The following AFF2 variants were observed in gnomAD, a reference collection of about 807,000 sequenced individuals.
The protein encoded by AFF2 is ALF transcription elongation factor 2.
AFF2 carries 14 observed loss-of-function variants against 76.9 expected under a neutral mutation model. The ratio of observed to expected loss-of-function variants is 0.18; its 90% confidence interval spans 0.12 to 0.28. The LOEUF (loss-of-function observed/expected upper bound fraction) is 0.28, where lower values mean the gene tolerates loss of function less well. AFF2 is among the 10% of genes least tolerant of loss of function. The pLI is 1.00. For missense variants in AFF2, 868 were observed against 1,001.1 expected (o/e 0.87, Z 1.79); for synonymous variants, 398 against 366.7 (o/e 1.09, Z -0.98).
At position 148,991,536 on chromosome X, in the gene AFF2, A is replaced by G. The variant is rs1569558084; in HGVS notation, c.*204A>G. ...GCAGTGTACGTTTTATTACTTAGTC[A>G]TTTTTTTTCTTTTAGCATTTGATAT... On this transcript the variant is annotated 3_prime_UTR_variant, in exon 21 of 21. Coordinates refer to ENST00000370460, the MANE Select transcript of AFF2 (RefSeq NM_002025.4). 2.8e-6 allele frequency: 1 copy of G among 361,877 alleles called. No individual in the cohort carries two copies. The highest frequency in any genetic ancestry group is 2.7e-5 in the African/African-American group (1 of 37,387). The allele number at this position is 361,877 out of a possible 1,213,427, so 29.8% of individuals were successfully genotyped here. A position where few individuals can be genotyped will look rare whatever the true frequency, so the allele number is the denominator to read the frequency against.
chrX:148,532,063 A>G (rs1405303186), intron 1 of AFF2, among the ~76,000 whole-genome samples: 4 of 111,097 alleles, frequency 3.6e-5, no homozygotes, highest in Non-Finnish European at 1.9e-5. Flanking sequence ...GACAGAACAT[A>G]CAAATTGATA....
chrX:148,616,914 T>A (rs781970358), intron 1 of AFF2, among the ~76,000 whole-genome samples: 18 of 111,615 alleles, frequency 1.6e-4, no homozygotes, highest in Middle Eastern at 9.2e-3. Flanking sequence ...CATCATTTTT[T>A]ATGGCTGCAT....
At chrX:148,835,639 C>A (rs1161206261) in intron 4 of AFF2, among the ~76,000 whole-genome samples, 1 of 109,360 alleles carries the variant, frequency 9.1e-6, no homozygotes, top group Non-Finnish European at 1.9e-5. Context: ...CGCGCACCAC[C>A]ATGCCCAACT....
intron 3 of AFF2, among the ~76,000 whole-genome samples, chrX:148,750,168 C>T (rs2055479609): frequency 9.1e-6 from 1 of 109,918 alleles, no homozygotes; most frequent in Non-Finnish European, 1.9e-5. Flanking sequence ...CGGCATTTCA[C>T]CATGTTGGCC....
chrX:148,581,647 T>G (rs911053633), intron 1 of AFF2, among the ~76,000 whole-genome samples: 4 of 105,577 alleles, frequency 3.8e-5, no homozygotes, highest in African/African-American at 1.1e-4. Flanking sequence ...TACACACATA[T>G]ATACATATAC....
intron 4 of AFF2, among the ~76,000 whole-genome samples, chrX:148,836,145 G>T (rs1557273775): frequency 8.9e-6 from 1 of 112,298 alleles, no homozygotes; most frequent in East Asian, 2.8e-4. Context: ...TTATCAACTG[G>T]ATACAAATGC....
intron 3 of AFF2, among the ~76,000 whole-genome samples, chrX:148,699,042 A>G (rs1041019455): frequency 8.9e-6 from 1 of 111,817 alleles, no homozygotes; most frequent in Admixed American, 9.6e-5. Context: ...ATTTAAATCT[A>G]TATGATGCTA....
At position 148,661,949 on chromosome X, in the gene AFF2, G is replaced by A. The variant is rs150713576; in HGVS notation, c.222G>A (p.Thr74=). Residue 74 remains threonine (T), a synonymous_variant, in exon 3 of 21, where the codon ACG becomes ACA. Transcript: ENST00000370460. ...GDALANRVQN[T]LGNYDEMKNL... ...CACTTGCCAACCGAGTCCAGAACAC[G>A]CTTGGAAACTATGATGAAATGAAGA... The A allele has an allele frequency of 2.8e-5, 34 of 1,206,124 alleles. No homozygotes were observed. Among genetic ancestry groups the A allele is most frequent in the Middle Eastern group, 4.6e-4 (2 of 4,341 alleles).
chrX:148,977,246 T>A (rs1557290368), intron 16 of AFF2, among the ~76,000 whole-genome samples: 2 of 110,779 alleles, frequency 1.8e-5, no homozygotes, highest in East Asian at 2.8e-4. Flanking sequence ...GAAAAAAAAA[T>A]GGGAACTACT....
chrX:148,632,821 G>T (rs2053993268), intron 1 of AFF2, among the ~76,000 whole-genome samples: 2 of 111,862 alleles, frequency 1.8e-5, no homozygotes, highest in South Asian at 7.5e-4. Context: ...TGTTTTACAT[G>T]TGAGGAAGCT....
At chrX:148,819,727 A>G (rs1377583200) in intron 4 of AFF2, among the ~76,000 whole-genome samples, 1 of 111,418 alleles carries the variant, frequency 9.0e-6, no homozygotes, top group Non-Finnish European at 1.9e-5. Flanking sequence ...AAGTCGAAGA[A>G]CTTTTGGGTT....
At chrX:148,598,923 T>C (rs1198982323) in intron 1 of AFF2, among the ~76,000 whole-genome samples, 1 of 112,737 alleles carries the variant, frequency 8.9e-6, no homozygotes, top group Admixed American at 9.4e-5. Flanking sequence ...CATGTTTCCC[T>C]TCTGTCGGGC....
At chrX:148,567,987 T>C (rs2053187123) in intron 1 of AFF2, among the ~76,000 whole-genome samples, 1 of 110,666 alleles carries the variant, frequency 9.0e-6, no homozygotes, top group Non-Finnish European at 1.9e-5. Context: ...AGAGACCCAC[T>C]AGCTGGGGGA....
At chrX:148,785,125 ATGCGCATG>A (rs2124616693) in intron 3 of AFF2, among the ~76,000 whole-genome samples, 1 of 112,317 alleles carries the variant, frequency 8.9e-6, no homozygotes, top group Non-Finnish European at 1.9e-5. Context: ...GTGTGTACGC[ATGCGCATG>A]CACATATACA....
intron 1 of AFF2, among the ~76,000 whole-genome samples, chrX:148,575,266 T>C (rs2053275294): frequency 9.0e-6 from 1 of 111,461 alleles, no homozygotes; most frequent in South Asian, 3.8e-4. Context: ...CATTTATCAC[T>C]GTTCTCATTT....
intron 3 of AFF2, among the ~76,000 whole-genome samples, chrX:148,742,612 A>G (rs1006367463): frequency 1.4e-3 from 3 of 2,094 alleles, no homozygotes; most frequent in Non-Finnish European, 2.2e-3. Flanking sequence ...CTATAAAGTA[A>G]AAAATGGGAC....
chrX:148,845,086 A>G (rs782636108), intron 7 of AFF2, among the ~76,000 whole-genome samples: 1 of 102,677 alleles, frequency 9.7e-6, no homozygotes, highest in Non-Finnish European at 2.0e-5. Context: ...CTTCATCCCC[A>G]TTAAAAAGTC....
chrX:148,901,403 A>G (rs782215705), intron 8 of AFF2, among the ~76,000 whole-genome samples: 1 of 112,666 alleles, frequency 8.9e-6, no homozygotes, highest in East Asian at 2.8e-4. Context: ...TATAGACGTT[A>G]TAAATTAAAG....
At chrX:148,605,772 C>G (rs1401288142) in intron 1 of AFF2, among the ~76,000 whole-genome samples, 2 of 111,626 alleles carry the variant, frequency 1.8e-5, no homozygotes, top group East Asian at 2.8e-4. Context: ...GGGTTATGAT[C>G]CATAGAATGA....
Sources: allele counts gnomAD v4.1 joint callset (sites outside exome capture counted in the v4.1 genomes callset), GRCh38; gene constraint gnomAD v4.1.1; transcripts MANE v1.5; gene names NCBI Gene and HGNC (gene_info 2026-07-23, HGNC 2026-07-21).